DOCK5: variants seen among roughly 807,000 people sequenced by gnomAD.
DOCK5 encodes dedicator of cytokinesis 5.
In DOCK5, 142 loss-of-function variants were observed where a neutral mutation model predicts 251.8. The observed-to-expected ratio is 0.56, with a 90% CI of 0.49 to 0.65. The LOEUF (loss-of-function observed/expected upper bound fraction) is 0.65, where lower values mean the gene tolerates loss of function less well. Ranked by LOEUF, DOCK5 falls within the 30% of genes least tolerant of loss-of-function variation. The pLI, the probability that DOCK5 is intolerant of heterozygous loss-of-function variation, is 0.00. For missense variants in DOCK5, 2,111 were observed against 2,312.3 expected (o/e 0.91, Z 1.79); for synonymous variants, 842 against 835.5 (o/e 1.01, Z -0.13).
chr8:25,298,996 A>G lies in DOCK5; in HGVS notation c.659A>G (p.His220Arg), dbSNP rs1804688016. 6.2e-7 allele frequency: 1 copy of G among 1,613,810 alleles called. No individual in the cohort carries two copies. The highest frequency in any genetic ancestry group is 2.2e-5 in the East Asian group (1 of 44,868). ...LRGQSIFSTI[H>R]TYGLYVNFKN... Reference sequence around the variant, plus strand: ...GGCCAGTCCATCTTCAGTACCATCCACACCTATGGCCTCTATGTGAACTTC... The same window carrying G: ...GGCCAGTCCATCTTCAGTACCATCCGCACCTATGGCCTCTATGTGAACTTC... Residue 220 changes from histidine to arginine, a missense_variant, in exon 8 of 52, where the codon CAC (histidine) becomes CGC (arginine). By Grantham distance (29) the His-to-Arg change is conservative (BLOSUM62 0). Transcript: ENST00000276440.
chr8:25,341,047 CCG>C, intron 23 of DOCK5, 59 bp downstream of exon 23: 1 of 1,371,798 alleles, frequency 7.3e-7, no homozygotes, highest in African/African-American at 1.4e-5. Flanking sequence ...TGTTCTGGGA[CCG>C]CTTAGAATTG....
rs1192501173 is a variant in DOCK5 at position 25,292,029 on chromosome 8, C to T, written c.327C>T (p.Asn109=). The T allele has an allele frequency of 1.3e-6, 2 of 1,587,776 alleles. No individual in the cohort carries two copies. Among genetic ancestry groups the T allele is most frequent in the African/African-American group, 1.4e-5 (1 of 74,030 alleles). The change falls in exon 6 of 52, where the codon AAC becomes AAT. Residue 109 remains asparagine, a synonymous_variant. Transcript: ENST00000276440. ...AVIWRKLYVN[N]KLTLFRQLQQ... ...ATCATATTTTCTCATCTTAGAACAA[C>T]AAGCTCACCCTCTTCCGCCAGCTGC...
intron 1 of DOCK5, among the ~76,000 whole-genome samples, chr8:25,229,848 G>A (rs552297805): frequency 1.3e-5 from 2 of 152,166 alleles, no homozygotes; most frequent in South Asian, 2.1e-4. Flanking sequence ...ATTGTTCACT[G>A]TAAAAGTATA....
intron 18 of DOCK5, among the ~76,000 whole-genome samples, chr8:25,331,540 C>T (rs542661315): frequency 6.6e-6 from 1 of 152,146 alleles, no homozygotes; most frequent in Admixed American, 6.6e-5. Context: ...TGAATCTGTT[C>T]CACCTTTTGT....
intron 2 of DOCK5, among the ~76,000 whole-genome samples, chr8:25,248,825 C>G (rs927167413): frequency 6.6e-6 from 1 of 151,952 alleles, no homozygotes; most frequent in African/African-American, 2.4e-5. Flanking sequence ...AATAGGAGAC[C>G]AAGGCAAGCT....
intron 7 of DOCK5, among the ~76,000 whole-genome samples, chr8:25,298,275 C>G (rs1328025160): frequency 1.3e-5 from 2 of 151,994 alleles, no homozygotes; most frequent in African/African-American, 4.8e-5. Context: ...GAAGGTAAAG[C>G]CTTTCTAGTG....
At chr8:25,359,932 C>T (rs568802033) in intron 28 of DOCK5, among the ~76,000 whole-genome samples, 31 of 152,372 alleles carry the variant, frequency 2.0e-4, no homozygotes, top group Non-Finnish European at 1.6e-4. Flanking sequence ...TGTGGCTTCA[C>T]GGCACCTTCC....
intron 1 of DOCK5, among the ~76,000 whole-genome samples, chr8:25,191,924 C>T (rs1378588273): frequency 9.1e-6 from 1 of 110,242 alleles, no homozygotes; most frequent in East Asian, 3.4e-4. Context: ...CCCCTCCCCC[C>T]ACCCCACAAC....
intron 2 of DOCK5, among the ~76,000 whole-genome samples, chr8:25,259,305 C>T (rs1188852117): frequency 1.3e-5 from 2 of 152,032 alleles, no homozygotes; most frequent in South Asian, 2.1e-4. Context: ...CCAGCAGGGC[C>T]GTGGGCTAGC....
chr8:25,263,354 T>C lies in DOCK5; in HGVS notation c.128-5491T>C, dbSNP rs534457215. Reference sequence around the variant, plus strand: ...CAGAGCTAGGGGTAGTATGCATTTGTATAAATACAGATTAATACCTGTTAA... The same window carrying C: ...CAGAGCTAGGGGTAGTATGCATTTGCATAAATACAGATTAATACCTGTTAA... On this transcript the variant is annotated intron_variant, in intron 2 of 51. Transcript: ENST00000276440. Among the ~76,000 whole-genome samples, 8 of 151,950 alleles carry C rather than the reference T, an allele frequency of 5.3e-5. No homozygotes were observed. In the South Asian group the frequency reaches 1.5e-3, roughly 28 times the overall value.
intron 7 of DOCK5, among the ~76,000 whole-genome samples, chr8:25,298,569 T>C (rs13265369): frequency 4.6e-5 from 7 of 152,128 alleles, no homozygotes; most frequent in Non-Finnish European, 1.0e-4. Flanking sequence ...CTCTCGGGTG[T>C]TATCTGTGTT....
chr8:25,184,781 A>G lies in DOCK5; in HGVS notation c.-128A>G, dbSNP rs985339377. ...GGCGCGGCGAGGAGGCGGCCCGCGG[A>G]GTCCAGCGAAGTTTGGCGGAACATG... is the stretch of plus-strand genomic sequence containing the variant. On this transcript the variant is annotated 5_prime_UTR_variant, in exon 1 of 52. Transcript: ENST00000276440. The G allele has an allele frequency of 6.6e-5, 57 of 865,548 alleles. No individual in the cohort carries two copies. Among genetic ancestry groups the G allele is most frequent in the Non-Finnish European group, 8.3e-5 (55 of 659,840 alleles). The allele number at this position is 865,548 out of a possible 1,614,324, so 53.6% of individuals were successfully genotyped here. A position where few individuals can be genotyped will look rare whatever the true frequency, so the allele number is the denominator to read the frequency against.
chr8:25,368,645 C>T lies in DOCK5; in HGVS notation c.3358C>T (p.Leu1120Phe), dbSNP rs1001312185. 45 of 1,613,782 alleles carry T rather than the reference C, an allele frequency of 2.8e-5. No individual in the cohort carries two copies. The East Asian group carries it at 9.8e-4, about 35-fold the overall frequency. Reference sequence around the variant, plus strand: ...GGTCACTCTGACCCCTGAAGTAGAGCTCCGGAAAGCCACAATCCCCATTTT... The same window carrying T: ...GGTCACTCTGACCCCTGAAGTAGAGTTCCGGAAAGCCACAATCCCCATTTT... The part of the protein sequence containing the change: ...LEVTLTPEVE[L>F]RKATIPIFFD... The change falls in exon 33 of 52, where the codon CTC becomes TTC. Residue 1120 changes from leucine to phenylalanine, a missense_variant. This residue lies in a region of DOCK5 where 1,717 missense variants were observed against 1,892.4 expected (regional missense o/e 0.91). Coordinates refer to ENST00000276440, the MANE Select transcript of DOCK5 (RefSeq NM_024940.8).
intron 1 of DOCK5, among the ~76,000 whole-genome samples, chr8:25,231,917 T>C (rs1802678407): frequency 1.3e-5 from 2 of 152,316 alleles, no homozygotes; most frequent in Non-Finnish European, 2.9e-5. Flanking sequence ...AAGATGATCA[T>C]ATTTTTTTCC....
intron 23 of DOCK5, among the ~76,000 whole-genome samples, chr8:25,341,484 G>A (rs1490217343): frequency 2.0e-5 from 3 of 152,112 alleles, no homozygotes; most frequent in Non-Finnish European, 4.4e-5. Flanking sequence ...CACCTCCTTA[G>A]GCAGAGAAAT....
chr8:25,203,379 G>C (rs560477087), intron 1 of DOCK5, among the ~76,000 whole-genome samples: 2 of 152,334 alleles, frequency 1.3e-5, no homozygotes, highest in African/African-American at 4.8e-5. Flanking sequence ...CAAATTGTTT[G>C]ATAGCTTCAG....
At chr8:25,342,845 C>T (rs1480201405) in intron 25 of DOCK5, among the ~76,000 whole-genome samples, 1 of 139,412 alleles carries the variant, frequency 7.2e-6, no homozygotes, top group African/African-American at 2.7e-5. Context: ...ACTACAAGGA[C>T]CTGCCACCAA....
chr8:25,368,766 A>G (rs761088985), intron 33 of DOCK5, 41 bp downstream of exon 33: 56 of 1,580,050 alleles, frequency 3.5e-5, no homozygotes, highest in Non-Finnish European at 4.3e-6. Context: ...AAATGGACAT[A>G]TAGTCAAATC....
In DOCK5 at chr8:25,363,238, C is replaced by T. The variant is rs1002244051; in HGVS notation, c.3044+97C>T. ...TGTCTTTAAATCCCTTTGCCTCAAA[C>T]CCATCATCTGTAAAGTGAGGATCTT... On this transcript the variant is annotated intron_variant, in intron 29 of 51. Coordinates refer to ENST00000276440, the MANE Select transcript of DOCK5 (RefSeq NM_024940.8). 2.8e-5 allele frequency: 28 copies of T among 991,934 alleles called. No individual in the cohort carries two copies. In the South Asian group the frequency reaches 3.4e-4, roughly 12 times the overall value. The allele number at this position is 991,934 out of a possible 1,614,324, so 61.4% of individuals were successfully genotyped here.
Sources: gnomAD v4.1 joint callset for allele counts (sites outside exome capture counted in the v4.1 genomes callset) on GRCh38, gnomAD v4.1.1 for gene constraint, gnomAD v4.1.1 regional missense constraint, MANE v1.5 for transcripts, NCBI Gene and HGNC (gene_info 2026-07-23, HGNC 2026-07-21) for gene names.